Variants in TBX20 observed in about 807,000 individuals in gnomAD.
The protein encoded by TBX20 is T-box transcription factor 20.
Under a neutral mutation model 42.9 loss-of-function variants are expected in TBX20, and 8 were observed. The ratio of observed to expected loss-of-function variants is 0.19; its 90% CI spans 0.11 to 0.34. TBX20 has a LOEUF of 0.34. Among genes scored for constraint, TBX20 ranks in the 10% least tolerant of loss-of-function variants. The probability of loss-of-function intolerance (pLI) is 1.00; values close to 1 mark genes in which losing one functional copy is unlikely to be tolerated. For synonymous variants in TBX20, 198 were observed against 222.8 expected (o/e 0.89, Z 0.99); for missense variants, 411 against 566.0 (o/e 0.73, Z 2.78).
intron 6 of TBX20, among the ~76,000 whole-genome samples, chr7:35,208,164 T>C (rs1399148814): frequency 6.6e-6 from 1 of 152,232 alleles, no homozygotes; most frequent in Non-Finnish European, 1.5e-5. Context: ...TTTCCAGATT[T>C]TCCCTACTTC....
chr7:35,217,411 G>A (rs1159232145), intron 6 of TBX20, among the ~76,000 whole-genome samples: 4 of 152,186 alleles, frequency 2.6e-5, no homozygotes, highest in Non-Finnish European at 5.9e-5. Flanking sequence ...TACACAGATA[G>A]AAGGAAAGAC....
chr7:35,239,952 G>T (rs1404784600), intron 5 of TBX20, among the ~76,000 whole-genome samples: 1 of 152,036 alleles, frequency 6.6e-6, no homozygotes, highest in Non-Finnish European at 1.5e-5. Context: ...GTTTCACCAT[G>T]TTGGCCAGGC....
chr7:35,239,072 A>G (rs1790024728), intron 5 of TBX20, among the ~76,000 whole-genome samples: 3 of 152,062 alleles, frequency 2.0e-5, no homozygotes, highest in Admixed American at 1.3e-4. Flanking sequence ...TCTTGGCCCT[A>G]ATATCTAGGT....
Position 35,248,671 on chromosome 7 carries a change from A to G in TBX20, c.545+6T>C, listed in dbSNP as rs1290689190. 2 of 1,614,112 alleles carry G rather than the reference A, an allele frequency of 1.2e-6. No individual in the cohort carries two copies. Among genetic ancestry groups the G allele is most frequent in the Non-Finnish European group, 1.7e-6 (2 of 1,180,008 alleles). ...TTTTCTCAGTGAAAAATCTGGAGGC[A>G]CGAACCTGGCTGGCAACGGCGGGTC... On this transcript the variant is annotated splice_donor_region_variant and intron_variant, in intron 3 of 7. Transcript: ENST00000408931.
intron 6 of TBX20, among the ~76,000 whole-genome samples, chr7:35,218,713 TTC>T (rs1789631192): frequency 6.6e-6 from 1 of 152,218 alleles, no homozygotes; most frequent in South Asian, 2.1e-4. Flanking sequence ...ACTCCTTGAT[TTC>T]TGTCTCTTTG....
chr7:35,207,011 AC>A (rs201962528), intron 6 of TBX20, among the ~76,000 whole-genome samples: 11,673 of 152,226 alleles, frequency 0.077, 694 homozygotes, highest in Admixed American at 0.19. Context: ...ATGGACATAT[AC>A]TTTTATTTAT....
At chr7:35,210,098 T>C (rs1421881712) in intron 6 of TBX20, among the ~76,000 whole-genome samples, 2 of 151,316 alleles carry the variant, frequency 1.3e-5, no homozygotes, top group East Asian at 3.9e-4. Context: ...ATTCTGCTAA[T>C]TTTAGATAAT....
intron 6 of TBX20, among the ~76,000 whole-genome samples, chr7:35,210,284 T>C (rs1404326660): frequency 6.6e-6 from 1 of 151,812 alleles, no homozygotes; most frequent in East Asian, 1.9e-4. Flanking sequence ...CTGGCTAATT[T>C]TTTTGTATTT....
Position 35,249,439 on chromosome 7 carries a change from G to A in TBX20, c.380+512C>T, listed in dbSNP as rs965475668. Among the ~76,000 whole-genome samples, 12 of 152,246 alleles carry A rather than the reference G, an allele frequency of 7.9e-5. No homozygotes were observed. Among genetic ancestry groups the A allele is most frequent in the African/African-American group, 2.9e-4 (12 of 41,470 alleles). ...CCCGGCTCTGGCGCCAAGAGGCCCC[G>A]AGCAGTGCTCCTTCCTACAGGGAAT... On this transcript the variant is annotated intron_variant, in intron 2 of 7. Transcript: ENST00000408931. The surrounding 1 kb of genome is among the most constrained non-coding windows in gnomAD (Gnocchi z 4.3).
At chr7:35,252,356 AGG>A (rs1790320780) in intron 1 of TBX20, among the ~76,000 whole-genome samples, 2 of 150,832 alleles carry the variant, frequency 1.3e-5, no homozygotes, top group African/African-American at 4.9e-5. Flanking sequence ...AACCAGGGGA[AGG>A]GGGTGAAAAC....
chr7:35,215,633 A>G (rs1789576561), intron 6 of TBX20, among the ~76,000 whole-genome samples: 1 of 152,214 alleles, frequency 6.6e-6, no homozygotes, highest in Admixed American at 6.5e-5. Flanking sequence ...ACTCTTATTG[A>G]AGGTCAGTCT....
intron 3 of TBX20, among the ~76,000 whole-genome samples, chr7:35,246,252 A>G (rs1046525849): frequency 1.3e-5 from 2 of 152,198 alleles, no homozygotes; most frequent in Non-Finnish European, 2.9e-5. Flanking sequence ...GAGGAACTGT[A>G]AAGGCTTCAG....
chr7:35,211,682 T>C (rs1251825914), intron 6 of TBX20, among the ~76,000 whole-genome samples: 2 of 152,148 alleles, frequency 1.3e-5, no homozygotes, highest in Non-Finnish European at 2.9e-5. Flanking sequence ...ATATTTTCAA[T>C]TTATGATGGG....
chr7:35,234,943 T>C (rs1789934495), intron 5 of TBX20, among the ~76,000 whole-genome samples: 1 of 152,120 alleles, frequency 6.6e-6, no homozygotes, highest in Non-Finnish European at 1.5e-5. Flanking sequence ...ATGTTCCTTG[T>C]AGCCCACTGT....
chr7:35,221,264 T>TA (rs1789677806), intron 6 of TBX20, among the ~76,000 whole-genome samples: 1 of 93,488 alleles, frequency 1.1e-5, no homozygotes, highest in Admixed American at 1.2e-4. Context: ...TCCTATTATA[T>TA]AGGACAACAA....
At chr7:35,242,645 C>A (rs1234878911) in intron 4 of TBX20, among the ~76,000 whole-genome samples, 1 of 152,152 alleles carries the variant, frequency 6.6e-6, no homozygotes, top group African/African-American at 2.4e-5. Flanking sequence ...CCCACTTCTA[C>A]CACCTGAAGG....
intron 6 of TBX20, among the ~76,000 whole-genome samples, chr7:35,227,601 T>C (rs1437137986): frequency 6.6e-6 from 1 of 152,122 alleles, no homozygotes; most frequent in Non-Finnish European, 1.5e-5. Flanking sequence ...AGCCTACGTG[T>C]GTAGTAGGCT....
At chr7:35,205,248 T>C (rs1789381283) in intron 6 of TBX20, among the ~76,000 whole-genome samples, 1 of 152,084 alleles carries the variant, frequency 6.6e-6, no homozygotes, top group Non-Finnish European at 1.5e-5. Flanking sequence ...TACATTGTCT[T>C]GTAGATGGTC....
Position 35,253,513 on chromosome 7 carries a change from C to T in TBX20, c.108G>A (p.Glu36=), listed in dbSNP as rs1248388855. 1.2e-6 allele frequency: 2 copies of T among 1,611,594 alleles called. No individual in the cohort carries two copies. The highest frequency in any genetic ancestry group is 2.2e-5 in the East Asian group (1 of 44,844). ...ACTTACCCAGGGGTTTGATTGTGTT[C>T]TCCGTCGCCTCCTTCTCCTTAGAGC... ...SGGSKEKEAT[E]NTIKPLEQFV... Residue 36 remains glutamate (E), a synonymous_variant, in exon 1 of 8, where the codon GAG becomes GAA. Transcript: ENST00000408931.
Sources: gnomAD v4.1 joint callset for allele counts (sites outside exome capture counted in the v4.1 genomes callset) on GRCh38, gnomAD v4.1.1 for gene constraint, Gnocchi (gnomAD v3.1) non-coding constraint, MANE v1.5 for transcripts, NCBI Gene and HGNC (gene_info 2026-07-23, HGNC 2026-07-21) for gene names.